Variants in IQCM observed in about 807,000 individuals in gnomAD.
IQCM encodes IQ domain-containing protein M.
In IQCM, 45 loss-of-function variants were observed where a neutral mutation model predicts 57.6. The observed-to-expected ratio is 0.78, with a 90% CI of 0.62 to 1.00. The LOEUF (loss-of-function observed/expected upper bound fraction) is 1.00. Among genes scored for constraint, IQCM ranks in the 50% least tolerant of loss-of-function variants. The pLI, the probability that IQCM is intolerant of heterozygous loss-of-function variation, is 0.00. For missense variants in IQCM, 468 were observed against 511.6 expected (o/e 0.91, Z 0.82); for synonymous variants, 148 against 158.9 (o/e 0.93, Z 0.51).
intron 2 of IQCM, among the ~76,000 whole-genome samples, chr4:149,799,640 G>A (rs1442658029): frequency 6.6e-6 from 1 of 151,618 alleles, no homozygotes; most frequent in Non-Finnish European, 1.5e-5. Flanking sequence ...AGATGAGAAA[G>A]GAGACATTAC....
intron 13 of IQCM, among the ~76,000 whole-genome samples, chr4:149,425,921 A>C (rs1734431813): frequency 6.6e-6 from 1 of 152,042 alleles, no homozygotes; most frequent in South Asian, 2.1e-4. Flanking sequence ...AGATCTATCT[A>C]CATGTATATT....
chr4:149,604,576 C>T (rs950699370), intron 8 of IQCM, among the ~76,000 whole-genome samples: 1 of 152,208 alleles, frequency 6.6e-6, no homozygotes, highest in Non-Finnish European at 1.5e-5. Flanking sequence ...ACCCTGGCTA[C>T]TAGAACTTTC....
intron 10 of IQCM, among the ~76,000 whole-genome samples, chr4:149,561,094 A>C (rs986747454): frequency 2.0e-5 from 3 of 152,232 alleles, no homozygotes; most frequent in African/African-American, 7.2e-5. Context: ...CCAATGATGG[A>C]ATAAAAAAGA....
intron 11 of IQCM, 102 bp from the exon 12 acceptor site, chr4:149,548,691 G>T: frequency 3.9e-6 from 2 of 514,294 alleles, no homozygotes; most frequent in Non-Finnish European, 6.0e-6. Context: ...AAGTCTCCAT[G>T]ATTAGTCTAG....
At chr4:149,392,293 G>T (rs1024812742) in intron 13 of IQCM, among the ~76,000 whole-genome samples, 3 of 151,882 alleles carry the variant, frequency 2.0e-5, no homozygotes, top group Non-Finnish European at 4.4e-5. Flanking sequence ...AAAAATAAAC[G>T]GAGATACATA....
intron 2 of IQCM, among the ~76,000 whole-genome samples, chr4:149,771,166 C>T (rs1770537873): frequency 6.6e-6 from 1 of 151,956 alleles, no homozygotes; most frequent in Non-Finnish European, 1.5e-5. Context: ...AGACAGATAA[C>T]CCAAGGAAAC....
intron 12 of IQCM, among the ~76,000 whole-genome samples, chr4:149,541,311 T>G (rs1747825271): frequency 6.6e-6 from 1 of 152,114 alleles, no homozygotes; most frequent in Non-Finnish European, 1.5e-5. Flanking sequence ...GCATAGGATA[T>G]TTCAGGTTAA....
intron 12 of IQCM, among the ~76,000 whole-genome samples, chr4:149,454,197 T>A (rs1410165747): frequency 6.8e-6 from 1 of 147,892 alleles, no homozygotes; most frequent in Non-Finnish European, 1.5e-5. Flanking sequence ...CACACACACA[T>A]ATAAACACAT....
chr4:149,600,861 C>T (rs1372758903), intron 8 of IQCM, among the ~76,000 whole-genome samples: 9 of 152,082 alleles, frequency 5.9e-5, no homozygotes, highest in Non-Finnish European at 1.5e-5. Flanking sequence ...CTCTATTATC[C>T]AAATACCTAG....
At chr4:149,368,764 A>ATG (rs1730026884) in intron 13 of IQCM, among the ~76,000 whole-genome samples, 1 of 119,698 alleles carries the variant, frequency 8.4e-6, no homozygotes, top group Non-Finnish European at 1.8e-5. Flanking sequence ...ATGTATATAT[A>ATG]TATATACATA....
Position 149,723,373 on chromosome 4 carries a change from G to C in IQCM, c.385+9871C>G, listed in dbSNP as rs147207655. 1.1e-3 allele frequency among the ~76,000 whole-genome samples: 162 copies of C among 152,052 alleles called. 1 individual carries two copies. Among genetic ancestry groups the C allele is most frequent in the Non-Finnish European group, 1.7e-3 (114 of 67,854 alleles). ...TACTCCTCTCTTGTTCTAGTACTTA[G>C]GAGAAATGTTTTCAACCTTTCATTG... On this transcript the variant is annotated intron_variant, in intron 5 of 13. Transcript: ENST00000636793.
intron 8 of IQCM, among the ~76,000 whole-genome samples, chr4:149,594,196 G>A (rs979153314): frequency 6.6e-6 from 1 of 152,156 alleles, no homozygotes; most frequent in Non-Finnish European, 1.5e-5. Flanking sequence ...GAGGGTGTAT[G>A]TGTCGAGGAA....
rs374071894 is a variant in IQCM, at chr4:149,658,460, TA to T, written c.565+23657del. On this transcript the variant is annotated intron_variant, in intron 7 of 13. Coordinates refer to ENST00000636793, the MANE Select transcript of IQCM (RefSeq NM_001363507.2). ...GTAATGCCTCAAGCTTTGTACCTTT[TA>T]CTCAAGACTGTCTTGGCTTTTGGGG... Among the ~76,000 whole-genome samples, 53 of 152,274 alleles carry T rather than the reference TA, an allele frequency of 3.5e-4. No individual in the cohort carries two copies. In the Middle Eastern group the frequency reaches 0.014, roughly 39 times the overall value.
At chr4:149,749,873 A>G (rs929234710) in intron 2 of IQCM, among the ~76,000 whole-genome samples, 1 of 152,172 alleles carries the variant, frequency 6.6e-6, no homozygotes, top group Non-Finnish European at 1.5e-5. Context: ...TCTGTGCTGG[A>G]TTGTAAGCCC....
In IQCM at chr4:149,571,419, T is replaced by C. The variant is rs1274124505; in HGVS notation, c.750-7529A>G. Among the ~76,000 whole-genome samples, 3 of 152,054 alleles carry C rather than the reference T, an allele frequency of 2.0e-5. No individual in the cohort carries two copies. The East Asian group carries it at 5.8e-4, about 29-fold the overall frequency. On this transcript the variant is annotated intron_variant, in intron 9 of 13. Transcript: ENST00000636793. ...AAAGGCAAATACCACATGACCTCACTCATGTGGAATCTAAAATGTTGATCT... is the reference window on the plus strand; with the variant it reads ...AAAGGCAAATACCACATGACCTCACCCATGTGGAATCTAAAATGTTGATCT...
intron 7 of IQCM, among the ~76,000 whole-genome samples, chr4:149,664,069 T>A (rs1760469581): frequency 6.6e-6 from 1 of 152,146 alleles, no homozygotes; most frequent in Non-Finnish European, 1.5e-5. Context: ...TCTGCTTGAT[T>A]AGTCTGTTGT....
Position 149,507,407 on chromosome 4 carries a change from C to T in IQCM, c.1228+41048G>A, listed in dbSNP as rs1472484881. On this transcript the variant is annotated intron_variant, in intron 12 of 13. Coordinates refer to ENST00000636793, the MANE Select transcript of IQCM (RefSeq NM_001363507.2). ...TTTGGAGACTTTTTGAATGGCTTTG[C>T]CCAAAATGCTGACAGCGATATGGAA... 2.6e-5 allele frequency among the ~76,000 whole-genome samples: 4 copies of T among 152,186 alleles called. No individual in the cohort carries two copies. The East Asian group carries it at 5.8e-4, about 22-fold the overall frequency.
chr4:149,368,818 A>G (rs13127998), intron 13 of IQCM, among the ~76,000 whole-genome samples: 128 of 90,498 alleles, frequency 1.4e-3, no homozygotes, highest in Middle Eastern at 5.8e-3. Flanking sequence ...GTATATATAT[A>G]CATATATATA....
intron 5 of IQCM, among the ~76,000 whole-genome samples, chr4:149,699,909 C>G (rs1471245717): frequency 6.6e-6 from 1 of 151,934 alleles, no homozygotes; most frequent in Non-Finnish European, 1.5e-5. Context: ...CCCTCTATCT[C>G]TTTCTCTTTC....
Sources: gnomAD v4.1 joint callset for allele counts (sites outside exome capture counted in the v4.1 genomes callset) on GRCh38, gnomAD v4.1.1 for gene constraint, MANE v1.5 for transcripts, NCBI Gene and HGNC (gene_info 2026-07-23, HGNC 2026-07-21) for gene names.